The following SLC25A21 variants were observed in gnomAD, a reference collection of about 807,000 sequenced individuals.
SLC25A21 encodes the protein solute carrier family 25 member 21.
Under a neutral mutation model 43.8 loss-of-function variants are expected in SLC25A21, and 47 were observed. The observed-to-expected ratio is 1.07, with a 90% CI of 0.85 to 1.37. The LOEUF (loss-of-function observed/expected upper bound fraction) is 1.37, where lower values mean the gene tolerates loss of function less well. Among genes scored for constraint, SLC25A21 ranks in the 40% most tolerant of loss-of-function variants. The pLI, the probability that SLC25A21 is intolerant of heterozygous loss-of-function variation, is 0.00. For synonymous variants in SLC25A21, 131 were observed against 121.3 expected, an observed-to-expected ratio of 1.08 and a Z score of -0.52; for missense variants, 352 against 350.2, an observed-to-expected ratio of 1.00 and a Z score of -0.04.
rs1891600992 is a variant in SLC25A21, at chr14:36,908,733, G to A, written c.71-33729C>T. 2.0e-5 allele frequency among the ~76,000 whole-genome samples: 3 copies of A among 152,212 alleles called. No individual in the cohort carries two copies. The South Asian group carries it at 6.2e-4, about 32-fold the overall frequency. On this transcript the variant is annotated intron_variant, in intron 1 of 9. Transcript: ENST00000331299. ...CTTATATTGGATAGCTCAGGGCAGA[G>A]CACAGAGTGATATGGTGGTTGTCAT... is the stretch of plus-strand genomic sequence containing the variant.
At chr14:37,004,124 A>G (rs914854885) in intron 1 of SLC25A21, among the ~76,000 whole-genome samples, 1 of 152,168 alleles carries the variant, frequency 6.6e-6, no homozygotes, top group African/African-American at 2.4e-5. Context: ...TGATTAGCTC[A>G]TTGGTGCCAC....
chr14:37,162,976 T>A (rs1963971763), intron 1 of SLC25A21, among the ~76,000 whole-genome samples: 1 of 152,200 alleles, frequency 6.6e-6, no homozygotes, highest in Non-Finnish European at 1.5e-5. Flanking sequence ...AAATGATAAG[T>A]TCATGTCCTT....
At chr14:36,892,179 G>A (rs777544465) in intron 1 of SLC25A21, among the ~76,000 whole-genome samples, 2 of 152,116 alleles carry the variant, frequency 1.3e-5, no homozygotes, top group Admixed American at 6.6e-5. Context: ...CAGCCATTAT[G>A]AAAAATAGTA....
intron 1 of SLC25A21, among the ~76,000 whole-genome samples, chr14:36,967,311 C>T (rs1326885411): frequency 1.3e-5 from 2 of 152,194 alleles, no homozygotes; most frequent in Non-Finnish European, 2.9e-5. Flanking sequence ...ACCTGATGTC[C>T]CCTATTTATA....
At chr14:37,038,330 A>G (rs554875771) in intron 1 of SLC25A21, among the ~76,000 whole-genome samples, 3 of 152,246 alleles carry the variant, frequency 2.0e-5, no homozygotes, top group South Asian at 2.1e-4. Context: ...GGGTTGGCAA[A>G]ATTATAACTT....
intron 1 of SLC25A21, among the ~76,000 whole-genome samples, chr14:36,905,729 C>T (rs1227328126): frequency 6.6e-6 from 1 of 151,996 alleles, no homozygotes; most frequent in Non-Finnish European, 1.5e-5. Flanking sequence ...ACATAAAAAG[C>T]AGCTGTAGTT....
chr14:36,813,831 A>G lies in SLC25A21; in HGVS notation c.203+87T>C. 7 of 973,032 alleles carry G rather than the reference A, an allele frequency of 7.2e-6. No homozygotes were observed. In the South Asian group the frequency reaches 7.5e-5, roughly 10 times the overall value. The allele number at this position is 973,032 out of a possible 1,614,324, so 60.3% of individuals were successfully genotyped here. On this transcript the variant is annotated intron_variant, in intron 3 of 9. Coordinates refer to ENST00000331299, the MANE Select transcript of SLC25A21 (RefSeq NM_030631.4). ...GTACCCTTTTAAGTATTTTGCCCCT[A>G]GTAAGACTAGGAAAATAAACCATTC...
intron 2 of SLC25A21, among the ~76,000 whole-genome samples, chr14:36,849,755 T>G (rs2138512936): frequency 6.6e-6 from 1 of 152,296 alleles, no homozygotes; most frequent in Non-Finnish European, 1.5e-5. Context: ...ACTGCTTATT[T>G]CCTGCTAAAA....
At chr14:36,732,399 G>T (rs1884864892) in intron 4 of SLC25A21, among the ~76,000 whole-genome samples, 1 of 152,010 alleles carries the variant, frequency 6.6e-6, no homozygotes, top group South Asian at 2.1e-4. Flanking sequence ...CCTGAAGCCG[G>T]AACCATGGTG....
At chr14:36,997,327 C>T (rs1960392924) in intron 1 of SLC25A21, among the ~76,000 whole-genome samples, 1 of 152,094 alleles carries the variant, frequency 6.6e-6, no homozygotes, top group African/African-American at 2.4e-5. Context: ...ACTTTCTCAA[C>T]AGGTGATCAA....
intron 1 of SLC25A21, among the ~76,000 whole-genome samples, chr14:36,909,083 AG>A (rs1450009563): frequency 6.6e-6 from 1 of 152,096 alleles, no homozygotes; most frequent in Non-Finnish European, 1.5e-5. Context: ...GATAAAGAGA[AG>A]GATGCATTGG....
intron 1 of SLC25A21, among the ~76,000 whole-genome samples, chr14:37,034,260 C>A (rs1055070293): frequency 6.6e-6 from 1 of 152,092 alleles, no homozygotes; most frequent in Non-Finnish European, 1.5e-5. Flanking sequence ...TTCAAGTGAT[C>A]CACCCACCTC....
At chr14:36,980,461 C>T (rs905773009) in intron 1 of SLC25A21, among the ~76,000 whole-genome samples, 1 of 152,186 alleles carries the variant, frequency 6.6e-6, no homozygotes, top group Non-Finnish European at 1.5e-5. Flanking sequence ...ACTTTTTTCT[C>T]TAAACTTCTC....
intron 3 of SLC25A21, among the ~76,000 whole-genome samples, chr14:36,789,895 A>AT (rs1566616105): frequency 8.4e-6 from 1 of 119,508 alleles, no homozygotes; most frequent in African/African-American, 3.2e-5. Flanking sequence ...TAAAATATAT[A>AT]TTATATATAT....
chr14:36,898,448 T>C (rs570020751), intron 1 of SLC25A21, among the ~76,000 whole-genome samples: 1 of 152,298 alleles, frequency 6.6e-6, no homozygotes, highest in East Asian at 1.9e-4. Flanking sequence ...TTTCTTTGAC[T>C]AGGAAAGGGA....
chr14:36,763,468 T>C (rs891592285), intron 3 of SLC25A21, among the ~76,000 whole-genome samples: 6 of 152,116 alleles, frequency 3.9e-5, no homozygotes, highest in Non-Finnish European at 8.8e-5. Flanking sequence ...GGGATGAATG[T>C]TTTCAAAGAG....
intron 1 of SLC25A21, among the ~76,000 whole-genome samples, chr14:37,129,699 G>A (rs1244783073): frequency 2.0e-5 from 3 of 150,702 alleles, no homozygotes; most frequent in Admixed American, 6.6e-5. Context: ...AGTCCACCCA[G>A]GAGGCAGACA....
At chr14:36,756,500 G>C (rs1351917326) in intron 3 of SLC25A21, among the ~76,000 whole-genome samples, 1 of 152,222 alleles carries the variant, frequency 6.6e-6, no homozygotes, top group Admixed American at 6.5e-5. Flanking sequence ...ATCTGTGGGA[G>C]AGGGTCTCAC....
intron 1 of SLC25A21, among the ~76,000 whole-genome samples, chr14:37,148,160 C>T (rs2138930182): frequency 6.6e-6 from 1 of 152,018 alleles, no homozygotes; most frequent in East Asian, 1.9e-4. Flanking sequence ...ATGTATTTTG[C>T]TTATATGTTT....
Sources: gnomAD v4.1 joint callset for allele counts (sites outside exome capture counted in the v4.1 genomes callset) on GRCh38, gnomAD v4.1.1 for gene constraint, MANE v1.5 for transcripts, NCBI Gene and HGNC (gene_info 2026-07-23, HGNC 2026-07-21) for gene names.